NAV3: variants seen among roughly 807,000 people sequenced by gnomAD.
NAV3 encodes the protein neuron navigator 3, also known as pore membrane and/or filament interacting like protein 1.
Under a neutral mutation model 244.7 loss-of-function variants are expected in NAV3, and 87 were observed. The observed-to-expected ratio is 0.36, with a 90% CI of 0.30 to 0.42. The LOEUF (loss-of-function observed/expected upper bound fraction) is 0.42. NAV3 is among the 20% of genes least tolerant of loss of function. The pLI is 1.00. For missense variants in NAV3, 2,663 were observed against 2,893.3 expected, an observed-to-expected ratio of 0.92 and a Z score of 1.83; for synonymous variants, 1,126 against 1,042.2, an observed-to-expected ratio of 1.08 and a Z score of -1.55.
intron 12 of NAV3, among the ~76,000 whole-genome samples, chr12:78,069,640 A>G (rs1378758410): frequency 1.3e-5 from 2 of 152,046 alleles, no homozygotes; most frequent in Non-Finnish European, 2.9e-5. Flanking sequence ...GCAATAAACC[A>G]TTAAATTTAA....
At chr12:78,006,327 T>C in intron 7 of NAV3, 92 bp from the exon 8 acceptor site, 1 of 1,152,008 alleles carries the variant, frequency 8.7e-7, no homozygotes, top group Non-Finnish European at 1.2e-6. Context: ...GAGAGACTTC[T>C]ATCCATCAAT....
chr12:77,772,660 T>C (rs1157484098), intron 2 of NAV3, among the ~76,000 whole-genome samples: 1 of 152,122 alleles, frequency 6.6e-6, no homozygotes, highest in Non-Finnish European at 1.5e-5. Context: ...TTCTCCTTGG[T>C]TGGTTTGAGA....
chr12:78,053,356 A>G (rs1883042960), intron 11 of NAV3, among the ~76,000 whole-genome samples: 1 of 152,092 alleles, frequency 6.6e-6, no homozygotes, highest in Admixed American at 6.6e-5. Flanking sequence ...TGCATTAGTG[A>G]ATCCTGAACT....
At chr12:77,772,153 T>C (rs1395643203) in intron 2 of NAV3, among the ~76,000 whole-genome samples, 1 of 152,098 alleles carries the variant, frequency 6.6e-6, no homozygotes, top group Non-Finnish European at 1.5e-5. Context: ...CTTAGAAGGG[T>C]TGTGTAGCTT....
chr12:77,984,057 T>C (rs1466353016), intron 5 of NAV3, among the ~76,000 whole-genome samples: 1 of 152,178 alleles, frequency 6.6e-6, no homozygotes, highest in Admixed American at 6.5e-5. Flanking sequence ...ACCCTGTGTG[T>C]GTTGTTTTGG....
chr12:77,728,211 CA>C (rs1265004940), intron 2 of NAV3, among the ~76,000 whole-genome samples: 1 of 151,918 alleles, frequency 6.6e-6, no homozygotes, highest in Non-Finnish European at 1.5e-5. Flanking sequence ...ACTTCCTTTT[CA>C]GCAATTTGGT....
intron 12 of NAV3, among the ~76,000 whole-genome samples, chr12:78,107,927 CGAAT>C (rs1954890182): frequency 6.6e-6 from 1 of 151,882 alleles, no homozygotes; most frequent in African/African-American, 2.4e-5. Context: ...TATAAGACAA[CGAAT>C]AAACAACAAT....
chr12:78,080,758 G>A (rs1953304265), intron 12 of NAV3, among the ~76,000 whole-genome samples: 1 of 152,202 alleles, frequency 6.6e-6, no homozygotes, highest in Admixed American at 6.5e-5. Context: ...CCTATTTGAT[G>A]CTCTGTTTTG....
At chr12:78,144,211 G>C (rs1956756077) in intron 20 of NAV3, among the ~76,000 whole-genome samples, 1 of 151,944 alleles carries the variant, frequency 6.6e-6, no homozygotes, top group Non-Finnish European at 1.5e-5. Context: ...ATTCATTGTG[G>C]ATTGTTTAAC....
intron 2 of NAV3, among the ~76,000 whole-genome samples, chr12:77,765,174 C>G (rs1351209042): frequency 6.6e-6 from 1 of 152,178 alleles, no homozygotes; most frequent in East Asian, 1.9e-4. Context: ...AGTTTTGCTA[C>G]CAGATCTGAA....
chr12:77,776,396 T>C (rs989594585), intron 2 of NAV3, among the ~76,000 whole-genome samples: 1 of 152,224 alleles, frequency 6.6e-6, no homozygotes, highest in African/African-American at 2.4e-5. Context: ...CACAGACCAA[T>C]TGAGAACGTA....
chr12:77,721,134 C>G (rs1426942982), intron 2 of NAV3, among the ~76,000 whole-genome samples: 1 of 152,126 alleles, frequency 6.6e-6, no homozygotes, highest in African/African-American at 2.4e-5. Flanking sequence ...GAAGCTAGGA[C>G]TATTCATTTC....
At chr12:77,972,007 A>T (rs1421159348) in intron 5 of NAV3, among the ~76,000 whole-genome samples, 3 of 152,318 alleles carry the variant, frequency 2.0e-5, no homozygotes, top group African/African-American at 7.2e-5. Flanking sequence ...GCTTTCATTT[A>T]AACAGAAATT....
chr12:78,114,135 A>G (rs570710296), intron 12 of NAV3, among the ~76,000 whole-genome samples: 4 of 152,190 alleles, frequency 2.6e-5, no homozygotes, highest in Admixed American at 6.5e-5. Context: ...TCCATCTGAG[A>G]CCACCTTAGC....
intron 7 of NAV3, among the ~76,000 whole-genome samples, chr12:78,002,091 G>C (rs951926374): frequency 6.6e-6 from 1 of 152,122 alleles, no homozygotes; most frequent in African/African-American, 2.4e-5. Context: ...CCTGAAGCAA[G>C]TTACCTTAAG....
At chr12:78,045,726 C>T (rs997340589) in intron 9 of NAV3, among the ~76,000 whole-genome samples, 44 of 152,258 alleles carry the variant, frequency 2.9e-4, no homozygotes, top group African/African-American at 1.1e-3. Flanking sequence ...GTTTTGGTAT[C>T]AGGATGATGC....
At chr12:77,691,701 C>A (rs954498547) in intron 2 of NAV3, among the ~76,000 whole-genome samples, 3 of 151,472 alleles carry the variant, frequency 2.0e-5, no homozygotes, top group Admixed American at 6.6e-5. Context: ...TTATTGTTTT[C>A]ATTTTTGAGT....
chr12:78,117,078 A>G (rs1955419951), intron 13 of NAV3, among the ~76,000 whole-genome samples, 174 bp downstream of exon 13: 1 of 146,640 alleles, frequency 6.8e-6, no homozygotes, highest in Non-Finnish European at 1.5e-5. Context: ...AGCATCTTTC[A>G]TCTTAGTCTT....
At chr12:77,945,734 G>T (rs1050988160) in intron 3 of NAV3, among the ~76,000 whole-genome samples, 1 of 151,736 alleles carries the variant, frequency 6.6e-6, no homozygotes, top group Non-Finnish European at 1.5e-5. Flanking sequence ...ATGGTTTAAT[G>T]GTTACTTTAT....
Sources: allele counts gnomAD v4.1 joint callset (sites outside exome capture counted in the v4.1 genomes callset), GRCh38; gene constraint gnomAD v4.1.1; transcripts MANE v1.5; gene names NCBI Gene and HGNC (gene_info 2026-07-23, HGNC 2026-07-21).